L3MBTL4: variants seen among roughly 807,000 people sequenced by gnomAD.
The protein encoded by L3MBTL4 is L3MBTL histone methyl-lysine binding protein 4.
Under a neutral mutation model 84.5 loss-of-function variants are expected in L3MBTL4, and 70 were observed. The ratio of observed to expected loss-of-function variants is 0.83; its 90% CI spans 0.68 to 1.01. L3MBTL4 has a LOEUF of 1.01. Among genes scored for constraint, L3MBTL4 ranks in the 50% least tolerant of loss-of-function variants. L3MBTL4 has a pLI of 0.00. For synonymous variants in L3MBTL4, 274 were observed against 259.8 expected, an observed-to-expected ratio of 1.05 and a Z score of -0.52; for missense variants, 715 against 754.8, an observed-to-expected ratio of 0.95 and a Z score of 0.62.
intron 15 of L3MBTL4, among the ~76,000 whole-genome samples, chr18:6,087,229 G>C (rs888372654): frequency 6.6e-6 from 1 of 152,192 alleles, no homozygotes; most frequent in East Asian, 1.9e-4. Context: ...ATAAGTGTTA[G>C]TCAGCTAACT....
chr18:6,304,127 T>C (rs918449103), intron 3 of L3MBTL4, among the ~76,000 whole-genome samples: 5 of 152,174 alleles, frequency 3.3e-5, no homozygotes, highest in Non-Finnish European at 7.4e-5. Context: ...AGCAAACTAG[T>C]TTTTAACTGA....
intron 12 of L3MBTL4, among the ~76,000 whole-genome samples, chr18:6,185,483 C>T (rs1315988612): frequency 6.6e-6 from 1 of 152,176 alleles, no homozygotes; most frequent in Non-Finnish European, 1.5e-5. Context: ...CTGCAGGCTG[C>T]AGGCTGGCAG....
chr18:6,136,092 C>A (rs2060019491), intron 14 of L3MBTL4, among the ~76,000 whole-genome samples: 1 of 152,196 alleles, frequency 6.6e-6, no homozygotes, highest in Admixed American at 6.5e-5. Flanking sequence ...CCCATCAGAT[C>A]TTGTGAGACT....
intron 10 of L3MBTL4, among the ~76,000 whole-genome samples, chr18:6,225,648 T>G (rs2046751127): frequency 6.6e-6 from 1 of 151,096 alleles, no homozygotes; most frequent in African/African-American, 2.4e-5. Context: ...TAGTCCCAGC[T>G]ACTCAGGAGG....
chr18:6,109,907 T>C (rs2059136180), intron 14 of L3MBTL4, among the ~76,000 whole-genome samples: 1 of 150,252 alleles, frequency 6.7e-6, no homozygotes. Context: ...CTCCAGGCAC[T>C]GAGTCATCTG....
intron 1 of L3MBTL4, among the ~76,000 whole-genome samples, chr18:6,364,185 A>G (rs960132958): frequency 2.0e-5 from 3 of 152,226 alleles, no homozygotes; most frequent in African/African-American, 7.2e-5. Flanking sequence ...TAAGCCAGAC[A>G]TTAAAAACTT....
rs1278296408 is a variant in L3MBTL4 at position 6,171,898 on chromosome 18, C to T, written c.1026G>A (p.Glu342=). ...TCGGGTGGATATCAGGGCTGTCTGC[C>T]TCCACCCAGTAGTCATACTTATGGT... ...GWDHKYDYWV[E]ADSPDIHPIG... is the part of the protein sequence containing the mutation. The change falls in exon 13 of 19, where the codon GAG becomes GAA. Residue 342 remains glutamate, a synonymous_variant. Transcript: ENST00000317931. 3 of 1,557,264 alleles carry T rather than the reference C, an allele frequency of 1.9e-6. No individual in the cohort carries two copies. The highest frequency in any genetic ancestry group is 2.6e-6 in the Non-Finnish European group (3 of 1,149,266).
chr18:6,261,766 T>C (rs1048830216), intron 5 of L3MBTL4, among the ~76,000 whole-genome samples: 19 of 152,290 alleles, frequency 1.2e-4, no homozygotes, highest in Admixed American at 1.0e-3. Context: ...GTGTTCTTGC[T>C]CTGGCTGATG....
chr18:6,229,051 T>TA (rs1361623444), intron 10 of L3MBTL4, among the ~76,000 whole-genome samples: 14 of 152,114 alleles, frequency 9.2e-5, no homozygotes, highest in Non-Finnish European at 1.5e-5. Context: ...AACTCTAAGC[T>TA]AAAAAAATTT....
chr18:6,170,738 TG>T (rs527473252), intron 13 of L3MBTL4, among the ~76,000 whole-genome samples: 1,782 of 151,600 alleles, frequency 0.012, 11 homozygotes, highest in African/African-American at 0.014. Flanking sequence ...AGGGGTGTAT[TG>T]GGGGGGGTTC....
chr18:6,008,219 G>A (rs868314920), intron 16 of L3MBTL4, among the ~76,000 whole-genome samples: 2 of 152,068 alleles, frequency 1.3e-5, no homozygotes, highest in Non-Finnish European at 2.9e-5. Context: ...AGCACACTGA[G>A]CCCTCCTCCA....
At chr18:6,092,556 C>T (rs1174440691) in intron 15 of L3MBTL4, among the ~76,000 whole-genome samples, 2 of 152,194 alleles carry the variant, frequency 1.3e-5, no homozygotes, top group African/African-American at 4.8e-5. Context: ...ACATGATTGC[C>T]TTTTGCCTGT....
At chr18:5,969,717 T>C (rs2052544206) in intron 16 of L3MBTL4, among the ~76,000 whole-genome samples, 155 bp from the exon 17 acceptor site, 1 of 152,180 alleles carries the variant, frequency 6.6e-6, no homozygotes, top group Non-Finnish European at 1.5e-5. Context: ...CCCCCAAGCA[T>C]ACCCTATGCC....
At chr18:6,013,030 G>A (rs1164796126) in intron 16 of L3MBTL4, among the ~76,000 whole-genome samples, 1 of 152,038 alleles carries the variant, frequency 6.6e-6, no homozygotes, top group Non-Finnish European at 1.5e-5. Flanking sequence ...TGTTTTCCTC[G>A]CCTGATGGAG....
intron 1 of L3MBTL4, chr18:6,397,327 G>A (rs959363142): frequency 6.6e-6 from 1 of 152,218 alleles, no homozygotes; most frequent in East Asian, 1.9e-4. Context: ...ACTATGCTGA[G>A]TATAACAATC....
Position 6,093,475 on chromosome 18 carries a change from T to C in L3MBTL4, c.1253A>G (p.His418Arg). 2 of 1,613,994 alleles carry C rather than the reference T, an allele frequency of 1.2e-6. No homozygotes were observed. Among genetic ancestry groups the C allele is most frequent in the Non-Finnish European group, 1.7e-6 (2 of 1,179,986 alleles). ...CTGTGTTTGTTCTCTCAAACGATCG[T>C]GAAGTGTTGCCTCCTTTTTCAAGTT... Reference protein sequence around the residue: ...DMNLKKEATLHDRLREQTQAN... With the variant: ...DMNLKKEATLRDRLREQTQAN... The change falls in exon 15 of 19, where the codon CAC (histidine) becomes CGC (arginine). Residue 418 changes from histidine (H) to arginine (R), a missense_variant. By Grantham distance (29) the His-to-Arg change is conservative. Coordinates refer to ENST00000317931, the MANE Select transcript of L3MBTL4 (RefSeq NM_001330559.2).
At chr18:6,384,352 A>G (rs1308466132) in intron 1 of L3MBTL4, among the ~76,000 whole-genome samples, 1 of 152,206 alleles carries the variant, frequency 6.6e-6, no homozygotes, top group Non-Finnish European at 1.5e-5. Flanking sequence ...ATATACATAT[A>G]TCTGTAGTCA....
At position 6,401,165 on chromosome 18, in the gene L3MBTL4, T is replaced by A. The variant is rs2055495401; in HGVS notation, c.-91+13636A>T. Among the ~76,000 whole-genome samples the A allele has an allele frequency of 2.0e-5, 3 of 152,186 alleles. 1 individual carries two copies. The South Asian group carries it at 6.2e-4, about 31-fold the overall frequency. ...CCAAGCAAGCTGAACTTAAGAGGAA[T>A]ATGCCTTTATACATCTCACGGGCAA... On this transcript the variant is annotated intron_variant, in intron 1 of 18. Coordinates refer to ENST00000317931, the MANE Select transcript of L3MBTL4 (RefSeq NM_001330559.2).
chr18:6,400,331 T>C (rs567400241), intron 1 of L3MBTL4, among the ~76,000 whole-genome samples: 285 of 152,266 alleles, frequency 1.9e-3, no homozygotes, highest in African/African-American at 6.3e-3. Context: ...ATCCTGTAGA[T>C]ATAGAGTGAA....
Sources: gnomAD v4.1 joint callset for allele counts (sites outside exome capture counted in the v4.1 genomes callset) on GRCh38, gnomAD v4.1.1 for gene constraint, MANE v1.5 for transcripts, NCBI Gene and HGNC (gene_info 2026-07-23, HGNC 2026-07-21) for gene names.